CD38: variants seen among roughly 807,000 people sequenced by gnomAD.
CD38 encodes the protein ADP-ribosyl cyclase/cyclic ADP-ribose hydrolase 1.
CD38 carries 31 observed loss-of-function variants against 36.3 expected under a neutral mutation model. The observed-to-expected ratio is 0.85, with a 90% CI of 0.64 to 1.15. The LOEUF (loss-of-function observed/expected upper bound fraction) is 1.15. CD38 is among the 50% of genes most tolerant of loss of function. The pLI is 0.00. For synonymous variants in CD38, 131 were observed against 135.2 expected, an observed-to-expected ratio of 0.97 and a Z score of 0.22; for missense variants, 380 against 371.9, an observed-to-expected ratio of 1.02 and a Z score of -0.18.
chr4:15,796,173 A>G (rs1200590085), intron 1 of CD38, among the ~76,000 whole-genome samples: 2 of 152,132 alleles, frequency 1.3e-5, no homozygotes, highest in South Asian at 2.1e-4. Context: ...AGAGAGATTT[A>G]AAACCACAAA....
chr4:15,788,308 T>C (rs1468947208), intron 1 of CD38, among the ~76,000 whole-genome samples: 1 of 152,074 alleles, frequency 6.6e-6, no homozygotes, highest in African/African-American at 2.4e-5. Context: ...TTGGTTGGAG[T>C]TGCTCTGAGA....
rs1180699939 is a variant in CD38, at chr4:15,824,954, AG to A, written c.439del (p.Asp147ThrfsTer4). ...TQVQRDMFTL[E>X]DTLLGYLADD... is the part of the protein sequence containing the mutation. Reference sequence around the variant, plus strand: ...GTCCAGCGGGACATGTTCACCCTGGAGGACACGCTGCTAGGCTACCTTGCTG... The same window carrying A: ...GTCCAGCGGGACATGTTCACCCTGGAGACACGCTGCTAGGCTACCTTGCTG... On this transcript the variant is annotated frameshift_variant, in exon 3 of 8. Transcript: ENST00000226279. LOFTEE classifies it high-confidence loss of function. The A allele has an allele frequency of 4.3e-6, 7 of 1,613,850 alleles. No homozygotes were observed. Among genetic ancestry groups the A allele is most frequent in the Non-Finnish European group, 5.9e-6 (7 of 1,179,950 alleles).
chr4:15,825,143 C>T, intron 3 of CD38, 127 bp downstream of exon 3: 1 of 807,772 alleles, frequency 1.2e-6, no homozygotes, highest in Non-Finnish European at 1.9e-6. Flanking sequence ...GCCATCTATA[C>T]TTATATTAGT....
intron 1 of CD38, among the ~76,000 whole-genome samples, chr4:15,809,272 A>G (rs559442342): frequency 6.6e-6 from 1 of 152,340 alleles, no homozygotes; most frequent in East Asian, 1.9e-4. Flanking sequence ...GGAGGGAATC[A>G]GGAGACACTT....
At chr4:15,796,417 T>C (rs1723105221) in intron 1 of CD38, among the ~76,000 whole-genome samples, 1 of 152,044 alleles carries the variant, frequency 6.6e-6, no homozygotes, top group Admixed American at 6.6e-5. Flanking sequence ...CTTCAATGTT[T>C]CTCAGTCAAT....
intron 1 of CD38, among the ~76,000 whole-genome samples, chr4:15,787,048 C>A (rs952779401): frequency 3.3e-5 from 5 of 152,224 alleles, no homozygotes; most frequent in African/African-American, 1.2e-4. Flanking sequence ...GGGGAGCCCA[C>A]GCCCACCTGG....
At chr4:15,799,670 A>G (rs2148918171) in intron 1 of CD38, among the ~76,000 whole-genome samples, 1 of 152,348 alleles carries the variant, frequency 6.6e-6, no homozygotes, top group African/African-American at 2.4e-5. Flanking sequence ...TTTTGGATAC[A>G]ATGAATAGAG....
chr4:15,802,595 C>G (rs1176242788), intron 1 of CD38, among the ~76,000 whole-genome samples: 2 of 150,674 alleles, frequency 1.3e-5, no homozygotes, highest in Non-Finnish European at 3.0e-5. Context: ...CTCCCTCTGT[C>G]ACACAGGTTG....
intron 1 of CD38, among the ~76,000 whole-genome samples, chr4:15,804,745 T>C (rs1723306223): frequency 6.6e-6 from 1 of 152,170 alleles, no homozygotes; most frequent in Non-Finnish European, 1.5e-5. Context: ...GAGAGTAGAA[T>C]AGTGGTTACT....
At position 15,840,437 on chromosome 4, in the gene CD38, T is replaced by G; in HGVS notation, c.753-15T>G. The stretch of plus-strand genomic sequence containing the variant: ...GAGATCTTGTAATTTTAATACTTTC[T>G]TCTTTCTTCCCCAGAGACTTATGCC... On this transcript the variant is annotated splice_polypyrimidine_tract_variant and intron_variant, in intron 6 of 7. Transcript: ENST00000226279. 2 of 1,530,012 alleles carry G rather than the reference T, an allele frequency of 1.3e-6. No homozygotes were observed. The highest frequency in any genetic ancestry group is 1.8e-6 in the Non-Finnish European group (2 of 1,114,192). 94.8% of individuals were successfully genotyped at this position (1,530,012 alleles called of 1,614,324 possible).
intron 3 of CD38, among the ~76,000 whole-genome samples, chr4:15,826,610 G>C (rs534114476): frequency 6.6e-6 from 1 of 152,164 alleles, no homozygotes; most frequent in East Asian, 1.9e-4. Flanking sequence ...CCCTCATCAA[G>C]AGTATATATA....
chr4:15,794,152 G>A (rs1262079125), intron 1 of CD38, among the ~76,000 whole-genome samples: 1 of 152,206 alleles, frequency 6.6e-6, no homozygotes, highest in East Asian at 1.9e-4. Context: ...CTTCTGCCCT[G>A]GATGTGAATC....
chr4:15,816,121 A>G (rs1723588826), intron 1 of CD38, among the ~76,000 whole-genome samples: 1 of 152,158 alleles, frequency 6.6e-6, no homozygotes, highest in Middle Eastern at 3.2e-3. Flanking sequence ...AGCCAACTTG[A>G]TCGTGGTGGA....
intron 1 of CD38, among the ~76,000 whole-genome samples, chr4:15,779,271 T>C (rs1053624226): frequency 6.6e-6 from 1 of 152,174 alleles, no homozygotes; most frequent in Non-Finnish European, 1.5e-5. Flanking sequence ...AACAAAACAA[T>C]GTCAACTTCT....
chr4:15,788,530 A>G (rs532506733), intron 1 of CD38, among the ~76,000 whole-genome samples: 124 of 152,228 alleles, frequency 8.1e-4, no homozygotes, highest in African/African-American at 2.9e-3. Flanking sequence ...AAGAGAGTCA[A>G]GGTCCTGGGG....
intron 1 of CD38, among the ~76,000 whole-genome samples, chr4:15,812,900 TTATATTTTTCATTGATAG>T (rs943982029): frequency 7.9e-5 from 12 of 152,344 alleles, no homozygotes; most frequent in South Asian, 2.1e-4. Flanking sequence ...AATTTTGATT[TTATATTTTTCATTGATAG>T]TATATTTTTC....
intron 3 of CD38, among the ~76,000 whole-genome samples, chr4:15,831,004 C>T (rs931292974): frequency 6.6e-6 from 1 of 151,528 alleles, no homozygotes; most frequent in Non-Finnish European, 1.5e-5. Context: ...TTTCAGTTTC[C>T]TGCTTTTTAT....
At chr4:15,848,472 A>T in intron 7 of CD38, 67 bp from the exon 8 acceptor site, 2 of 1,209,920 alleles carry the variant, frequency 1.7e-6, no homozygotes, top group South Asian at 2.5e-5. Context: ...GGCTTCCTCC[A>T]TTAGCGAATT....
intron 1 of CD38, among the ~76,000 whole-genome samples, chr4:15,815,247 C>T (rs762023943): frequency 3.3e-5 from 5 of 152,098 alleles, no homozygotes; most frequent in Non-Finnish European, 7.4e-5. Flanking sequence ...CTTGGCTATA[C>T]GGGCTCTTTT....
Sources: gnomAD v4.1 joint callset for allele counts (sites outside exome capture counted in the v4.1 genomes callset) on GRCh38, gnomAD v4.1.1 for gene constraint, MANE v1.5 for transcripts, NCBI Gene and HGNC (gene_info 2026-07-23, HGNC 2026-07-21) for gene names.